The following PIEZO2 variants were observed in gnomAD, a reference collection of about 807,000 sequenced individuals.
PIEZO2 encodes the protein piezo-type mechanosensitive ion channel component 2.
A neutral mutation model predicts 337.3 loss-of-function variants in PIEZO2; 172 were observed. The observed-to-expected ratio is 0.51, with a 90% confidence interval of 0.45 to 0.58. PIEZO2 has a LOEUF of 0.58. PIEZO2 is among the 20% of genes least tolerant of loss of function. PIEZO2 has a pLI of 0.00. For synonymous variants in PIEZO2, 1,251 were observed against 1,228.5 expected (o/e 1.02, Z -0.38); for missense variants, 3,028 against 3,391.3 (o/e 0.89, Z 2.66).
chr18:10,842,147 T>C (rs2041215347), intron 7 of PIEZO2, among the ~76,000 whole-genome samples: 2 of 127,288 alleles, frequency 1.6e-5, no homozygotes, highest in African/African-American at 5.9e-5. Flanking sequence ...AGACTCCGTC[T>C]CAAAAAAAAA....
chr18:11,094,903 G>A lies in PIEZO2; in HGVS notation c.65-28681C>T, dbSNP rs781270813. Among the ~76,000 whole-genome samples, 1 of 152,178 alleles carries A rather than the reference G, an allele frequency of 6.6e-6. No individual in the cohort carries two copies. Among genetic ancestry groups the A allele is most frequent in the Non-Finnish European group, 1.5e-5 (1 of 68,032 alleles). ...ATGGCCTGACTGAAAGCCATCTGAG[G>A]AACTCTGTCCCCTCTTCCTACAGCT... is the stretch of plus-strand genomic sequence containing the variant. On this transcript the variant is annotated intron_variant, in intron 1 of 55. Coordinates refer to ENST00000674853, the MANE Select transcript of PIEZO2 (RefSeq NM_001378183.1). The surrounding 1 kb of genome is among the most constrained non-coding windows in gnomAD (Gnocchi z 4.4).
chr18:10,750,454 T>A lies in PIEZO2; in HGVS notation c.4168-267A>T, dbSNP rs2037603496. On this transcript the variant is annotated intron_variant, in intron 28 of 55. Transcript: ENST00000674853. This position sits in a 1 kb window ranked among gnomAD's most constrained non-coding sequence, Gnocchi z 4.1. ...GAAGCACCAGTTTATCAAGAAGAAA[T>A]CTTGGACGATCATAGAAATAAATCC... 6.6e-6 allele frequency among the ~76,000 whole-genome samples: 1 copy of A among 152,202 alleles called. No individual in the cohort carries two copies. Among genetic ancestry groups the A allele is most frequent in the South Asian group, 2.1e-4 (1 of 4,836 alleles).
intron 8 of PIEZO2, 58 bp from the exon 9 acceptor site, chr18:10,804,052 G>C (rs1356399094): frequency 3.3e-6 from 5 of 1,520,828 alleles, no homozygotes; most frequent in Non-Finnish European, 3.5e-6. Context: ...AGACAGCCTG[G>C]GTGGCCAAGA....
chr18:11,055,019 G>A (rs929138398), intron 2 of PIEZO2, among the ~76,000 whole-genome samples: 7 of 152,064 alleles, frequency 4.6e-5, no homozygotes, highest in Admixed American at 1.3e-4. Flanking sequence ...AGACTATCCT[G>A]GCTAACACGG....
At chr18:10,882,829 A>AT (rs1460893811) in intron 4 of PIEZO2, among the ~76,000 whole-genome samples, 1 of 83,362 alleles carries the variant, frequency 1.2e-5, no homozygotes, top group Non-Finnish European at 2.6e-5. Flanking sequence ...TATGTACCAC[A>AT]TTTTCTTTTT....
chr18:10,827,407 GAACT>G (rs2144511186), intron 7 of PIEZO2, among the ~76,000 whole-genome samples: 2 of 152,228 alleles, frequency 1.3e-5, no homozygotes, highest in Admixed American at 1.3e-4. Context: ...ACAAAGAACA[GAACT>G]AACACTTTTT....
intron 18 of PIEZO2, among the ~76,000 whole-genome samples, chr18:10,774,994 A>C (rs1010887983): frequency 6.6e-6 from 1 of 152,246 alleles, no homozygotes; most frequent in South Asian, 2.1e-4. Context: ...ATTTGTAAAC[A>C]TGCCTATCAT....
intron 4 of PIEZO2, among the ~76,000 whole-genome samples, chr18:10,875,379 G>T (rs1455376162): frequency 6.6e-6 from 1 of 151,920 alleles, no homozygotes; most frequent in Non-Finnish European, 1.5e-5. Context: ...GATTGAAAAG[G>T]GTAAACTAGA....
rs2040924215 is a variant in PIEZO2 at position 10,833,784 on chromosome 18, C to A, written c.917+21569G>T. Among the ~76,000 whole-genome samples, 1 of 152,202 alleles carries A rather than the reference C, an allele frequency of 6.6e-6. No individual in the cohort carries two copies. The highest frequency in any genetic ancestry group is 2.4e-5 in the African/African-American group (1 of 41,446). The stretch of plus-strand genomic sequence containing the variant: ...AGTTTGGAGCCTCAAGACTTGCCTA[C>A]AAAAATGCATCTGCAAATCCTTTGT... On this transcript the variant is annotated intron_variant, in intron 7 of 55. Coordinates refer to ENST00000674853, the MANE Select transcript of PIEZO2 (RefSeq NM_001378183.1). This position sits in a 1 kb window ranked among gnomAD's most constrained non-coding sequence, Gnocchi z 4.7.
chr18:11,095,901 GC>G (rs1246779837), intron 1 of PIEZO2, among the ~76,000 whole-genome samples: 2 of 152,306 alleles, frequency 1.3e-5, no homozygotes, highest in East Asian at 3.9e-4. Flanking sequence ...GTTGAGTAAG[GC>G]CTTAAGTTTA....
rs545769559 is a variant in PIEZO2, at chr18:10,781,557, C to A, written c.2493-1191G>T. Among the ~76,000 whole-genome samples the A allele has an allele frequency of 6.6e-5, 10 of 151,738 alleles. No homozygotes were observed. The South Asian group carries it at 2.1e-3, about 32-fold the overall frequency. On this transcript the variant is annotated intron_variant, in intron 17 of 55. Coordinates refer to ENST00000674853, the MANE Select transcript of PIEZO2 (RefSeq NM_001378183.1). The surrounding 1 kb of genome is among the most constrained non-coding windows in gnomAD (Gnocchi z 4.1). Reference sequence around the variant, plus strand: ...ATATTATATAATAAACAATGTTATACGTTATAATTCTTATAATATGAAATT... The same window carrying A: ...ATATTATATAATAAACAATGTTATAAGTTATAATTCTTATAATATGAAATT...
chr18:11,026,292 C>T (rs2036538771), intron 2 of PIEZO2, among the ~76,000 whole-genome samples: 1 of 152,118 alleles, frequency 6.6e-6, no homozygotes, highest in African/African-American at 2.4e-5. Flanking sequence ...AGAGTCAGCT[C>T]CATAACCGAA....
chr18:10,936,349 C>T (rs1431292418), intron 3 of PIEZO2, among the ~76,000 whole-genome samples: 1 of 152,106 alleles, frequency 6.6e-6, no homozygotes, highest in Non-Finnish European at 1.5e-5. Flanking sequence ...AAAGGTGGAG[C>T]TTGTCTTGGA....
rs958503554 is a variant in PIEZO2 at position 10,993,259 on chromosome 18, A to G, written c.161-13599T>C. Among the ~76,000 whole-genome samples the G allele has an allele frequency of 2.6e-5, 4 of 152,048 alleles. No individual in the cohort carries two copies. The highest frequency in any genetic ancestry group is 2.1e-4 in the South Asian group (1 of 4,810). ...TGCCCTGGCCAGAACTTCCAATACT[A>G]TGTTGAATAGGAGTGGTGAGAGAGT... On this transcript the variant is annotated intron_variant, in intron 2 of 55. Transcript: ENST00000674853. This position sits in a 1 kb window ranked among gnomAD's most constrained non-coding sequence, Gnocchi z 5.0.
Position 10,789,329 on chromosome 18 carries a change from G to C in PIEZO2, c.1919C>G (p.Pro640Arg). ...CGCTTCCTCTTCTTCCTCCTCTTTGGGCTCTCCTTCCACTTGTATATCTTG... is the reference window on the plus strand; with the variant it reads ...CGCTTCCTCTTCTTCCTCCTCTTTGCGCTCTCCTTCCACTTGTATATCTTG... ...ELQDIQVEGE[P>R]KEEEEEEAKE... The change falls in exon 15 of 56, where the codon CCC becomes CGC. Residue 640 changes from proline (P) to arginine (R), a missense_variant. By Grantham distance (103) the Pro-to-Arg change is moderately radical. Transcript: ENST00000674853. 1 of 1,536,490 alleles carries C rather than the reference G, an allele frequency of 6.5e-7. No individual in the cohort carries two copies. Among genetic ancestry groups the C allele is most frequent in the Non-Finnish European group, 8.7e-7 (1 of 1,146,770 alleles).
chr18:11,006,871 T>A (rs2035744341), intron 2 of PIEZO2, among the ~76,000 whole-genome samples: 1 of 152,166 alleles, frequency 6.6e-6, no homozygotes, highest in African/African-American at 2.4e-5. Context: ...TTATATTACC[T>A]ATATATTTTT....
chr18:10,886,380 GTATATATA>G (rs1173330460), intron 4 of PIEZO2, among the ~76,000 whole-genome samples: 1 of 3,036 alleles, frequency 3.3e-4, no homozygotes, highest in Non-Finnish European at 4.3e-4. Context: ...GTGTGTGTGT[GTATATATA>G]TATATATATA....
chr18:11,005,480 A>G (rs2035685208), intron 2 of PIEZO2, among the ~76,000 whole-genome samples: 1 of 152,212 alleles, frequency 6.6e-6, no homozygotes, highest in South Asian at 2.1e-4. Flanking sequence ...GTTCACGCAG[A>G]TTGAGGTTCA....
intron 1 of PIEZO2, among the ~76,000 whole-genome samples, chr18:11,084,418 CTT>C (rs2146001230): frequency 6.6e-6 from 1 of 152,232 alleles, no homozygotes; most frequent in African/African-American, 2.4e-5. Flanking sequence ...TGGCATCATT[CTT>C]CTTTCAGGGA....
Sources: allele counts gnomAD v4.1 joint callset (sites outside exome capture counted in the v4.1 genomes callset), GRCh38; gene constraint gnomAD v4.1.1; non-coding constraint Gnocchi (gnomAD v3.1); transcripts MANE v1.5; gene names NCBI Gene and HGNC (gene_info 2026-07-23, HGNC 2026-07-21).